The following CLIC5 variants were observed in gnomAD, a reference collection of about 807,000 sequenced individuals.
CLIC5 encodes the protein chloride intracellular channel protein 5.
Under a neutral mutation model 24.7 loss-of-function variants are expected in CLIC5, and 20 were observed. The observed-to-expected ratio is 0.81, with a 90% CI of 0.57 to 1.18. The LOEUF (loss-of-function observed/expected upper bound fraction) is 1.18, where lower values mean the gene tolerates loss of function less well. Among genes scored for constraint, CLIC5 ranks in the 50% most tolerant of loss-of-function variants. The probability of loss-of-function intolerance (pLI) is 0.00; values close to 1 mark genes in which losing one functional copy is unlikely to be tolerated. For missense variants in CLIC5, 341 were observed against 326.1 expected (o/e 1.05, Z -0.35); for synonymous variants, 159 against 135.6 (o/e 1.17, Z -1.20).
At chr6:45,922,066 A>G (rs529611725) in intron 4 of CLIC5, among the ~76,000 whole-genome samples, 36 of 152,308 alleles carry the variant, frequency 2.4e-4, no homozygotes, top group Non-Finnish European at 5.0e-4. Flanking sequence ...ACTTCAACAG[A>G]TTCCCCACTG....
At chr6:46,009,485 A>G (rs1766723577) in intron 1 of CLIC5, among the ~76,000 whole-genome samples, 1 of 152,156 alleles carries the variant, frequency 6.6e-6, no homozygotes, top group African/African-American at 2.4e-5. Flanking sequence ...TTACAGAACT[A>G]CATCTTAGGA....
chr6:46,036,918 ATAAT>A (rs1352693008), intron 1 of CLIC5, among the ~76,000 whole-genome samples: 3 of 152,252 alleles, frequency 2.0e-5, no homozygotes, highest in Non-Finnish European at 4.4e-5. Flanking sequence ...TTAAAATAAG[ATAAT>A]TAAAGTCTCC....
chr6:45,885,063 C>T (rs558894643), intron 6 of CLIC5, among the ~76,000 whole-genome samples: 42 of 149,944 alleles, frequency 2.8e-4, no homozygotes, highest in Middle Eastern at 3.2e-3. Flanking sequence ...ACCCTACCAC[C>T]GCCCACTACC....
intron 4 of CLIC5, among the ~76,000 whole-genome samples, chr6:45,938,844 T>C (rs1254862517): frequency 6.6e-6 from 1 of 152,136 alleles, no homozygotes; most frequent in Non-Finnish European, 1.5e-5. Context: ...GAAAGGATAC[T>C]GGGTGTGGAG....
At chr6:46,071,728 A>G (rs1197339335) in intron 1 of CLIC5, among the ~76,000 whole-genome samples, 2 of 152,166 alleles carry the variant, frequency 1.3e-5, no homozygotes, top group Non-Finnish European at 2.9e-5. Flanking sequence ...CAGCAATCTC[A>G]TTACTGGGTA....
chr6:46,060,320 A>G (rs1762214450), intron 1 of CLIC5, among the ~76,000 whole-genome samples: 2 of 152,186 alleles, frequency 1.3e-5, no homozygotes, highest in African/African-American at 2.4e-5. Flanking sequence ...TTAATTAAAG[A>G]AATCAAACTG....
intron 1 of CLIC5, among the ~76,000 whole-genome samples, chr6:46,046,339 C>G (rs971565493): frequency 6.6e-6 from 1 of 152,194 alleles, no homozygotes; most frequent in African/African-American, 2.4e-5. Context: ...GTAAAATCAA[C>G]AGCAAAACAA....
chr6:46,012,034 T>C (rs1008172949), intron 1 of CLIC5, among the ~76,000 whole-genome samples: 2 of 152,214 alleles, frequency 1.3e-5, no homozygotes, highest in South Asian at 4.1e-4. Flanking sequence ...TGTTCTCCCA[T>C]GGAATCCTCA....
At chr6:45,933,990 G>T (rs1054430515) in intron 4 of CLIC5, among the ~76,000 whole-genome samples, 5 of 152,208 alleles carry the variant, frequency 3.3e-5, no homozygotes, top group African/African-American at 1.2e-4. Context: ...AGTCACAGGA[G>T]GGGAGAGCCA....
chr6:46,006,083 T>A, intron 1 of CLIC5, among the ~76,000 whole-genome samples: 1 of 105,546 alleles, frequency 9.5e-6, no homozygotes, highest in Admixed American at 1.1e-4. Flanking sequence ...TATATACACA[T>A]GTATAAATAC....
intron 5 of CLIC5, among the ~76,000 whole-genome samples, chr6:45,906,150 C>T (rs1308895189): frequency 6.6e-6 from 1 of 152,114 alleles, no homozygotes; most frequent in Non-Finnish European, 1.5e-5. Flanking sequence ...AATGTGACAC[C>T]TCCAGCTTTG....
chr6:45,971,617 G>A (rs1335865164), intron 1 of CLIC5, among the ~76,000 whole-genome samples: 1 of 152,142 alleles, frequency 6.6e-6, no homozygotes, highest in Non-Finnish European at 1.5e-5. Context: ...CCTTCAAATT[G>A]TTTTTTGATG....
At chr6:45,893,873 T>C (rs1265750790), downstream of CLIC5, among the ~76,000 whole-genome samples, 3 of 152,208 alleles carry the variant, frequency 2.0e-5, no homozygotes, top group African/African-American at 4.8e-5. Context: ...AAGAAATTTT[T>C]CTTTTTCTAG....
intron 6 of CLIC5, among the ~76,000 whole-genome samples, chr6:45,886,596 C>G (rs763815154): frequency 1.4e-4 from 21 of 152,108 alleles, no homozygotes; most frequent in Non-Finnish European, 2.6e-4. Context: ...GCCAAGTGCC[C>G]CAATGCCAAA....
intron 4 of CLIC5, among the ~76,000 whole-genome samples, chr6:45,916,610 C>A (rs907506160): frequency 3.3e-5 from 5 of 152,128 alleles, no homozygotes; most frequent in African/African-American, 1.2e-4. Context: ...GCCCTGGAGA[C>A]CTGAGTGGGC....
At chr6:46,092,222 C>T in the CLIC5 span, among the ~76,000 whole-genome samples, 1 of 152,134 alleles carries the variant, frequency 6.6e-6, no homozygotes, top group African/African-American at 2.4e-5. Flanking sequence ...AGACCTGAAT[C>T]CAAGAGTATT....
intron 1 of CLIC5, among the ~76,000 whole-genome samples, chr6:45,973,161 C>A (rs968797245): frequency 6.6e-5 from 10 of 152,328 alleles, no homozygotes; most frequent in African/African-American, 2.2e-4. Flanking sequence ...GAACAGGCCC[C>A]ATCCTGCACC....
At position 45,947,479 on chromosome 6, in the gene CLIC5, C is replaced by T. The variant is rs997342171; in HGVS notation, c.299+1777G>A. Among the ~76,000 whole-genome samples, 3 of 151,478 alleles carry T rather than the reference C, an allele frequency of 2.0e-5. No individual in the cohort carries two copies. In the East Asian group the frequency reaches 5.8e-4, roughly 29 times the overall value. ...TAGGATTGTACCCCAGCCCCTCACCCCTCCATCCACTGCCTGGCAACAGAC... is the reference window on the plus strand; with the variant it reads ...TAGGATTGTACCCCAGCCCCTCACCTCTCCATCCACTGCCTGGCAACAGAC... On this transcript the variant is annotated intron_variant, in intron 3 of 5. Coordinates refer to ENST00000339561, the MANE Select transcript of CLIC5 (RefSeq NM_016929.5).
chr6:45,974,312 C>T (rs1038510038), intron 1 of CLIC5, among the ~76,000 whole-genome samples: 1 of 151,532 alleles, frequency 6.6e-6, no homozygotes, highest in Non-Finnish European at 1.5e-5. Flanking sequence ...TCAAATGAGA[C>T]CATGTGCATA....
Sources: gnomAD v4.1 joint callset for allele counts (sites outside exome capture counted in the v4.1 genomes callset) on GRCh38, gnomAD v4.1.1 for gene constraint, MANE v1.5 for transcripts, NCBI Gene and HGNC (gene_info 2026-07-23, HGNC 2026-07-21) for gene names.